The following KLC1 variants were observed in gnomAD, a reference collection of about 807,000 sequenced individuals.
KLC1 encodes the protein kinesin light chain 1.
Under a neutral mutation model 84.2 loss-of-function variants are expected in KLC1, and 30 were observed. The observed-to-expected ratio is 0.36, with a 90% CI of 0.27 to 0.48. The LOEUF (loss-of-function observed/expected upper bound fraction) is 0.48. KLC1 is among the 20% of genes least tolerant of loss of function. KLC1 has a pLI of 0.99. For synonymous variants in KLC1, 289 were observed against 293.3 expected (o/e 0.99, Z 0.15); for missense variants, 499 against 805.4 (o/e 0.62, Z 4.60).
chr14:103,660,333 T>C (rs1355860757), intron 3 of KLC1, among the ~76,000 whole-genome samples: 2 of 150,922 alleles, frequency 1.3e-5, no homozygotes, highest in Non-Finnish European at 2.9e-5. Flanking sequence ...ATACAAAAAT[T>C]AGCCAAGCAT....
intron 1 of KLC1, among the ~76,000 whole-genome samples, chr14:103,648,414 A>G (rs910377148): frequency 1.3e-5 from 2 of 152,176 alleles, no homozygotes; most frequent in East Asian, 1.9e-4. Flanking sequence ...GCCTGACAGG[A>G]TAGGTTCTTA....
chr14:103,662,410 G>A (rs1052708873), intron 4 of KLC1, among the ~76,000 whole-genome samples: 1 of 152,186 alleles, frequency 6.6e-6, no homozygotes, highest in South Asian at 2.1e-4. Context: ...TGCACGTGCA[G>A]TTCAGGCGTG....
intron 1 of KLC1, among the ~76,000 whole-genome samples, chr14:103,646,363 A>G (rs997320683): frequency 1.3e-5 from 2 of 152,194 alleles, no homozygotes; most frequent in Non-Finnish European, 1.5e-5. Flanking sequence ...GTGCAGTGGC[A>G]TGATCATAGC....
At chr14:103,648,787 T>G (rs1378459975) in intron 1 of KLC1, among the ~76,000 whole-genome samples, 1 of 151,376 alleles carries the variant, frequency 6.6e-6, no homozygotes, top group Non-Finnish European at 1.5e-5. Context: ...GGTGACAGAG[T>G]GAGACCCTGT....
At chr14:103,696,392 T>TG (rs1394494608) in intron 15 of KLC1, 2 of 985,330 alleles carry the variant, frequency 2.0e-6, no homozygotes, top group Non-Finnish European at 2.4e-6. Flanking sequence ...CGTTGTTTTC[T>TG]GGATTAAGCT....
rs3809384 is a variant in KLC1, at chr14:103,693,358, A to G, written c.1848+933A>G. Among the ~76,000 whole-genome samples the G allele has an allele frequency of 3.8e-4, 58 of 152,088 alleles. 2 individuals are homozygous for G. The East Asian group carries it at 0.011, about 29-fold the overall frequency. ...AGAGGAAAGAAAGTCTCTTCATTTT[A>G]CAGGGTCCTGTAGCTGACCCAGTGT... On this transcript the variant is annotated intron_variant, in intron 15 of 16. Coordinates refer to ENST00000334553, the MANE Select transcript of KLC1 (RefSeq NM_001394837.1). This position sits in a 1 kb window ranked among gnomAD's most constrained non-coding sequence, Gnocchi z 5.1.
At position 103,654,810 on chromosome 14, in the gene KLC1, C is replaced by T. The variant is rs2078708119; in HGVS notation, c.246C>T (p.Gly82=). 1 of 1,613,864 alleles carries T rather than the reference C, an allele frequency of 6.2e-7. No individual in the cohort carries two copies. The highest frequency in any genetic ancestry group is 1.3e-5 in the African/African-American group (1 of 74,894). The stretch of plus-strand genomic sequence containing the variant: ...AGTCACTGGAGATGTTGGAGCTCGG[C>T]CTGAGTGAGGCACAGGTACGAGTGA... ...IRKSLEMLEL[G]LSEAQVMMAL... The change falls in exon 2 of 17, where the codon GGC becomes GGT. Residue 82 remains glycine, a synonymous_variant. Transcript: ENST00000334553.
intron 3 of KLC1, among the ~76,000 whole-genome samples, chr14:103,659,744 A>T (rs2079129129): frequency 6.6e-6 from 1 of 152,100 alleles, no homozygotes; most frequent in Non-Finnish European, 1.5e-5. Flanking sequence ...GCAAACCTGC[A>T]TTTCCCCTCT....
At chr14:103,690,363 CTGGT>C (rs1486351677) in intron 14 of KLC1, among the ~76,000 whole-genome samples, 1 of 152,126 alleles carries the variant, frequency 6.6e-6, no homozygotes, top group Non-Finnish European at 1.5e-5. Context: ...TTGTTTTGTC[CTGGT>C]TGGGACATTT....
At chr14:103,651,112 T>G (rs2403203) in intron 1 of KLC1, among the ~76,000 whole-genome samples, 1 of 151,754 alleles carries the variant, frequency 6.6e-6, no homozygotes, top group East Asian at 1.9e-4. Flanking sequence ...TGAGTTCAAG[T>G]GATTCTCCTG....
chr14:103,674,579 T>G (rs2080720726), intron 9 of KLC1, among the ~76,000 whole-genome samples: 1 of 152,024 alleles, frequency 6.6e-6, no homozygotes, highest in Admixed American at 6.6e-5. Context: ...CACGCCCGGC[T>G]AATTTTTGTA....
chr14:103,657,431 G>T, intron 2 of KLC1, 115 bp from the exon 3 acceptor site: 3 of 718,272 alleles, frequency 4.2e-6, no homozygotes, highest in Non-Finnish European at 4.8e-6. Context: ...TATGTACTTT[G>T]GAGAAAATAT....
chr14:103,668,480 CT>C (rs375553797), intron 5 of KLC1, among the ~76,000 whole-genome samples: 34 of 149,770 alleles, frequency 2.3e-4, no homozygotes, highest in African/African-American at 6.8e-4. Flanking sequence ...TTTCTTTTTT[CT>C]TTTTTTTTTC....
At chr14:103,692,490 C>A (rs1179285115) in intron 15 of KLC1, 65 bp downstream of exon 15, 2 of 1,400,598 alleles carry the variant, frequency 1.4e-6, no homozygotes, top group Non-Finnish European at 2.0e-6. Flanking sequence ...CTGCTGCAGA[C>A]CCGCACTCGG....
chr14:103,665,123 C>T (rs1216388474), intron 5 of KLC1, among the ~76,000 whole-genome samples: 2 of 151,852 alleles, frequency 1.3e-5, no homozygotes, highest in East Asian at 3.9e-4. Flanking sequence ...CTTGTTATTT[C>T]ATCATTCTTG....
chr14:103,659,641 G>A (rs1041571789), intron 3 of KLC1, among the ~76,000 whole-genome samples: 1 of 152,146 alleles, frequency 6.6e-6, no homozygotes, highest in African/African-American at 2.4e-5. Context: ...ACATGTTCAT[G>A]TACATAATCA....
chr14:103,673,000 T>G lies in KLC1; in HGVS notation c.988-14T>G, dbSNP rs773947868. The G allele has an allele frequency of 5.6e-6, 9 of 1,613,400 alleles. No individual in the cohort carries two copies. In the Admixed American group the frequency reaches 1.5e-4, roughly 27 times the overall value. ...CAGAACAAGTGTCTCTAATATGCTGTTTTTTATTTTCAGGTTTTGGGGAAG... is the reference window on the plus strand; with the variant it reads ...CAGAACAAGTGTCTCTAATATGCTGGTTTTTATTTTCAGGTTTTGGGGAAG... On this transcript the variant is annotated splice_polypyrimidine_tract_variant and intron_variant, in intron 7 of 16. Transcript: ENST00000334553.
intron 1 of KLC1, among the ~76,000 whole-genome samples, chr14:103,631,199 A>G (rs151086860): frequency 0.017 from 2,606 of 151,560 alleles, 68 homozygotes; most frequent in African/African-American, 0.056. Flanking sequence ...TCCTGCCTCA[A>G]CCTACTGAGT....
chr14:103,643,278 G>A (rs2077631690), intron 1 of KLC1, among the ~76,000 whole-genome samples: 2 of 152,154 alleles, frequency 1.3e-5, no homozygotes, highest in Admixed American at 1.3e-4. Flanking sequence ...TCTCCTTGGA[G>A]TGTGGGCTGC....
Sources: allele counts gnomAD v4.1 joint callset (sites outside exome capture counted in the v4.1 genomes callset), GRCh38; gene constraint gnomAD v4.1.1; non-coding constraint Gnocchi (gnomAD v3.1); transcripts MANE v1.5; gene names NCBI Gene and HGNC (gene_info 2026-07-23, HGNC 2026-07-21).